The following CPLANE1 variants were observed in gnomAD, a reference collection of about 807,000 sequenced individuals.
CPLANE1 encodes the protein ciliogenesis and planar polarity effector complex subunit 1.
In CPLANE1, 263 loss-of-function variants were observed where a neutral mutation model predicts 362.5. The ratio of observed to expected loss-of-function variants is 0.73; its 90% confidence interval spans 0.66 to 0.80. The LOEUF (loss-of-function observed/expected upper bound fraction) is 0.80, where lower values mean the gene tolerates loss of function less well. Ranked by LOEUF, CPLANE1 falls within the 30% of genes least tolerant of loss-of-function variation. CPLANE1 has a pLI of 0.00. For synonymous variants in CPLANE1, 1,212 were observed against 1,302.6 expected, an observed-to-expected ratio of 0.93 and a Z score of 1.50; for missense variants, 3,461 against 3,793.4, an observed-to-expected ratio of 0.91 and a Z score of 2.30.
chr5:37,139,724 A>T, intron 44 of CPLANE1: 1 of 452,332 alleles, frequency 2.2e-6, no homozygotes, highest in Non-Finnish European at 2.9e-6. Flanking sequence ...TAATTTTTGT[A>T]TTTTTTGTAG....
intron 47 of CPLANE1, among the ~76,000 whole-genome samples, chr5:37,123,485 T>C (rs1279006406): frequency 6.6e-6 from 1 of 152,196 alleles, no homozygotes; most frequent in Non-Finnish European, 1.5e-5. Flanking sequence ...ACAAAAAAAG[T>C]GTTTGCAATC....
chr5:37,217,673 C>T (rs72736763), intron 15 of CPLANE1, among the ~76,000 whole-genome samples: 2,290 of 149,822 alleles, frequency 0.015, 32 homozygotes, highest in Middle Eastern at 0.068. Context: ...GGGTGCAGTG[C>T]TAATGTTAAT....
Position 37,221,473 on chromosome 5 carries a change from T to C in CPLANE1, c.2597A>G (p.Tyr866Cys). The change falls in exon 15 of 53, where the codon TAT becomes TGT. Residue 866 changes from tyrosine to cysteine, a missense_variant. Around this residue, in one of 2 missense-constraint regions of CPLANE1, gnomAD observed 3,380 missense variants for 3,666.1 expected, o/e 0.92. Transcript: ENST00000651892. ...AAGATAATAGCGTATCTGAAGAAAA[T>C]ACGTCCTTCTTCCTCCTGAAACAAG... Reference protein sequence around the residue: ...EIEEKGGRRTYFLQIRYYLSL... With the variant: ...EIEEKGGRRTCFLQIRYYLSL... 1 of 1,499,708 alleles carries C rather than the reference T, an allele frequency of 6.7e-7. No homozygotes were observed. Among genetic ancestry groups the C allele is most frequent in the Non-Finnish European group, 8.9e-7 (1 of 1,129,654 alleles). 92.9% of individuals were successfully genotyped at this position (1,499,708 alleles called of 1,614,324 possible). A position where few individuals can be genotyped will look rare whatever the true frequency, so the allele number is the denominator to read the frequency against.
intron 14 of CPLANE1, 138 bp from the exon 15 acceptor site, chr5:37,221,626 T>C (rs542730453): frequency 2.2e-4 from 102 of 462,544 alleles, no homozygotes; most frequent in African/African-American, 1.6e-3. Flanking sequence ...TTTCTGCATC[T>C]GTTTCACACT....
the CPLANE1 span, among the ~76,000 whole-genome samples, chr5:37,092,815 C>G: frequency 1.1e-4 from 17 of 152,146 alleles, no homozygotes; most frequent in Non-Finnish European, 2.2e-4. Flanking sequence ...TGATCAGTTA[C>G]GCTGATTAGT....
At chr5:37,111,716 T>C (rs951463977) in intron 51 of CPLANE1, among the ~76,000 whole-genome samples, 45 of 152,126 alleles carry the variant, frequency 3.0e-4, no homozygotes, top group Non-Finnish European at 7.4e-5. Context: ...GTTGAAAAGG[T>C]TTGACATTTT....
At chr5:37,246,450 G>C (rs888423200) in intron 2 of CPLANE1, 1 of 151,902 alleles carries the variant, frequency 6.6e-6, no homozygotes, top group African/African-American at 2.4e-5. Context: ...TGAGTAGCTG[G>C]GACCACAGGT....
At chr5:37,207,292 C>T (rs1273553484) in intron 16 of CPLANE1, among the ~76,000 whole-genome samples, 3 of 152,212 alleles carry the variant, frequency 2.0e-5, no homozygotes, top group South Asian at 2.1e-4. Flanking sequence ...CCTATACAGG[C>T]TATGCCTACT....
chr5:37,165,040 A>G (rs1777872055), intron 36 of CPLANE1, among the ~76,000 whole-genome samples: 1 of 152,162 alleles, frequency 6.6e-6, no homozygotes, highest in African/African-American at 2.4e-5. Flanking sequence ...CAGGAGGTAG[A>G]GGCTGCAGTG....
rs988530386 is a variant in CPLANE1 at position 37,106,929 on chromosome 5, C to G, written c.*673G>C. On this transcript the variant is annotated 3_prime_UTR_variant, in exon 53 of 53. Coordinates refer to ENST00000651892, the MANE Select transcript of CPLANE1 (RefSeq NM_001384732.1). ...CTAATCAGGTCTCTGTACCATGGTT[C>G]TTACAAATTTAAGATGAGCCTTCTA... The G allele has an allele frequency of 1.0e-6, 1 of 985,316 alleles. No homozygotes were observed. Among genetic ancestry groups the G allele is most frequent in the Non-Finnish European group, 1.2e-6 (1 of 829,870 alleles). 61.0% of individuals were successfully genotyped at this position (985,316 alleles called of 1,614,324 possible). A position where few individuals can be genotyped will look rare whatever the true frequency, so the allele number is the denominator to read the frequency against.
chr5:37,218,215 C>T (rs185770897), intron 15 of CPLANE1, among the ~76,000 whole-genome samples: 1 of 152,088 alleles, frequency 6.6e-6, no homozygotes, highest in Non-Finnish European at 1.5e-5. Flanking sequence ...ACTGTATAAA[C>T]AATGTGGTTT....
intron 15 of CPLANE1, among the ~76,000 whole-genome samples, chr5:37,219,563 G>C (rs912698622): frequency 1.3e-5 from 2 of 152,066 alleles, no homozygotes; most frequent in Non-Finnish European, 2.9e-5. Flanking sequence ...CAGGCGTGAG[G>C]CACATGCCTG....
chr5:37,135,144 T>C (rs942676125), intron 46 of CPLANE1, among the ~76,000 whole-genome samples: 6 of 152,202 alleles, frequency 3.9e-5, no homozygotes, highest in South Asian at 2.1e-4. Flanking sequence ...GATTTTGGTA[T>C]GTTGTGTCTT....
intron 46 of CPLANE1, among the ~76,000 whole-genome samples, chr5:37,131,561 G>A (rs1049746870): frequency 2.7e-5 from 4 of 150,228 alleles, no homozygotes; most frequent in African/African-American, 7.4e-5. Flanking sequence ...ACGGAGTTTC[G>A]CTCTAGTCGC....
At chr5:37,213,757 G>C in intron 15 of CPLANE1, 25 bp from the exon 16 acceptor site, 1 of 1,395,064 alleles carries the variant, frequency 7.2e-7, no homozygotes, top group Non-Finnish European at 9.4e-7. Context: ...AATGACCTAA[G>C]AAGATTGTGA....
Position 37,167,204 on chromosome 5 carries a change from T to G in CPLANE1, c.7243A>C (p.Thr2415Pro). 6.2e-7 allele frequency: 1 copy of G among 1,606,766 alleles called. No homozygotes were observed. The highest frequency in any genetic ancestry group is 8.5e-7 in the Non-Finnish European group (1 of 1,177,922). ...HLSPENRCKK[T>P]QLIPLENLIA... ...AGGTTTTCAAGTGGGATAAGTTGTGTTTTTTTGCACTACAAGAAAGAAACA... is the reference window on the plus strand; with the variant it reads ...AGGTTTTCAAGTGGGATAAGTTGTGGTTTTTTGCACTACAAGAAAGAAACA... The change falls in exon 35 of 53, where the codon ACA becomes CCA. Residue 2415 changes from threonine to proline, a missense_variant. By Grantham distance (38) the Thr-to-Pro change is conservative (BLOSUM62 -1). This residue lies in a region of CPLANE1 where 3,380 missense variants were observed against 3,666.1 expected (regional missense o/e 0.92). Coordinates refer to ENST00000651892, the MANE Select transcript of CPLANE1 (RefSeq NM_001384732.1).
the CPLANE1 span, among the ~76,000 whole-genome samples, chr5:37,079,987 GA>G: frequency 6.6e-6 from 1 of 152,096 alleles, no homozygotes; most frequent in Non-Finnish European, 1.5e-5. Context: ...GCACTCATTG[GA>G]TGTTTCCTCT....
intron 47 of CPLANE1, 23 bp downstream of exon 47, chr5:37,125,221 T>C (rs1763804788): frequency 1.9e-6 from 3 of 1,593,386 alleles, no homozygotes; most frequent in African/African-American, 1.4e-5. Context: ...GTAATTCCAT[T>C]ACCCTTGACA....
Position 37,154,011 on chromosome 5 carries a change from T to C in CPLANE1, c.8120-18A>G. The C allele has an allele frequency of 6.3e-7, 1 of 1,579,486 alleles. No individual in the cohort carries two copies. The highest frequency in any genetic ancestry group is 1.4e-5 in the African/African-American group (1 of 73,710). On this transcript the variant is annotated intron_variant, in intron 41 of 52. Coordinates refer to ENST00000651892, the MANE Select transcript of CPLANE1 (RefSeq NM_001384732.1). ...TGGCAGACCTAAATATTAATAAGAA[T>C]AAAAGCAGAATTGATTATAATTAAA...
Sources: allele counts gnomAD v4.1 joint callset (sites outside exome capture counted in the v4.1 genomes callset), GRCh38; gene constraint gnomAD v4.1.1; regional missense constraint gnomAD v4.1.1; transcripts MANE v1.5; gene names NCBI Gene and HGNC (gene_info 2026-07-23, HGNC 2026-07-21).